The following RIT2 variants were observed in gnomAD, a reference collection of about 807,000 sequenced individuals.
RIT2 encodes the protein Ras like without CAAX 2.
RIT2 carries 24 observed loss-of-function variants against 23.7 expected under a neutral mutation model. The observed-to-expected ratio is 1.01, with a 90% CI of 0.73 to 1.43. The LOEUF (loss-of-function observed/expected upper bound fraction) is 1.43, where lower values mean the gene tolerates loss of function less well. Among genes scored for constraint, RIT2 ranks in the 40% most tolerant of loss-of-function variants. RIT2 has a pLI of 0.00. For missense variants in RIT2, 236 were observed against 266.9 expected, an observed-to-expected ratio of 0.88 and a Z score of 0.81; for synonymous variants, 107 against 91.1, an observed-to-expected ratio of 1.17 and a Z score of -0.99.
chr18:43,005,405 T>A (rs1911204269), intron 2 of RIT2, among the ~76,000 whole-genome samples: 1 of 151,964 alleles, frequency 6.6e-6, no homozygotes, highest in Middle Eastern at 3.4e-3. Context: ...TCTCTGAGAT[T>A]AGAAGACCAT....
intron 3 of RIT2, among the ~76,000 whole-genome samples, chr18:42,964,339 A>AG (rs771744828): frequency 3.3e-5 from 5 of 152,070 alleles, no homozygotes; most frequent in Non-Finnish European, 5.9e-5. Flanking sequence ...TTCCTAAATA[A>AG]GATAGCTACT....
At chr18:42,833,512 T>C (rs1003825488) in intron 4 of RIT2, among the ~76,000 whole-genome samples, 3 of 152,308 alleles carry the variant, frequency 2.0e-5, no homozygotes, top group East Asian at 1.9e-4. Context: ...ATAAACTCTA[T>C]GGGCACGAAA....
intron 1 of RIT2, among the ~76,000 whole-genome samples, chr18:43,075,285 A>G (rs1315416218): frequency 2.0e-5 from 3 of 152,144 alleles, no homozygotes; most frequent in Non-Finnish European, 4.4e-5. Flanking sequence ...AATAAAAATC[A>G]GTTTTTTCAC....
chr18:42,880,481 T>C (rs1907859454), intron 4 of RIT2, among the ~76,000 whole-genome samples: 1 of 152,188 alleles, frequency 6.6e-6, no homozygotes, highest in Non-Finnish European at 1.5e-5. Context: ...GTTGAAACTT[T>C]TGTTTTGTTT....
At chr18:43,110,223 G>A (rs954713426) in intron 1 of RIT2, among the ~76,000 whole-genome samples, 1 of 150,482 alleles carries the variant, frequency 6.6e-6, no homozygotes, top group East Asian at 2.0e-4. Context: ...GCCTGTATAC[G>A]AATATTTCCT....
chr18:43,114,694 G>T (rs1054312678), intron 1 of RIT2, among the ~76,000 whole-genome samples: 1 of 151,758 alleles, frequency 6.6e-6, no homozygotes, highest in Non-Finnish European at 1.5e-5. Flanking sequence ...TGGCCTTTTA[G>T]GCTCCTCAAG....
intron 4 of RIT2, among the ~76,000 whole-genome samples, chr18:42,821,999 A>G (rs1221468402): frequency 6.6e-6 from 1 of 152,184 alleles, no homozygotes; most frequent in African/African-American, 2.4e-5. Context: ...ATGAGATCAG[A>G]AAAGACCTGA....
chr18:43,097,182 G>A (rs913476774), intron 1 of RIT2, among the ~76,000 whole-genome samples: 1 of 151,828 alleles, frequency 6.6e-6, no homozygotes, highest in African/African-American at 2.4e-5. Flanking sequence ...TAGAGTTTGT[G>A]ATTTTGTAGA....
At position 42,985,769 on chromosome 18, in the gene RIT2, T is replaced by C. The variant is rs540039194; in HGVS notation, c.161-11622A>G. 7.9e-5 allele frequency among the ~76,000 whole-genome samples: 12 copies of C among 152,132 alleles called. No homozygotes were observed. The South Asian group carries it at 2.5e-3, about 31-fold the overall frequency. On this transcript the variant is annotated intron_variant, in intron 2 of 4. Transcript: ENST00000326695. Reference sequence around the variant, plus strand: ...ATTTTAATTAGATTGTAAATATAAATATTCAAAGAAAAACAATAAAGCAAA... The same window carrying C: ...ATTTTAATTAGATTGTAAATATAAACATTCAAAGAAAAACAATAAAGCAAA...
At chr18:43,091,207 C>T (rs1477699186) in intron 1 of RIT2, among the ~76,000 whole-genome samples, 8 of 151,656 alleles carry the variant, frequency 5.3e-5, no homozygotes, top group African/African-American at 1.7e-4. Context: ...ATACATCAAA[C>T]ACTTACTTTG....
At chr18:42,959,968 C>T (rs1004899655) in intron 3 of RIT2, among the ~76,000 whole-genome samples, 1 of 152,258 alleles carries the variant, frequency 6.6e-6, no homozygotes, top group Non-Finnish European at 1.5e-5. Context: ...ATTATGTATA[C>T]TACCAAACAA....
rs1913708855 is a variant in RIT2 at position 42,777,788 on chromosome 18, C to T, written c.427-34068G>A. On this transcript the variant is annotated intron_variant, in intron 4 of 4. Coordinates refer to ENST00000326695, the MANE Select transcript of RIT2 (RefSeq NM_002930.4). ...CATTGAAGAGGCTAGTTGTTTTCTC[C>T]TAAAAGCATATGTTTAACTTAAATA... 2.6e-5 allele frequency among the ~76,000 whole-genome samples: 4 copies of T among 152,070 alleles called. No homozygotes were observed. In the South Asian group the frequency reaches 6.2e-4, roughly 24 times the overall value.
chr18:42,839,230 T>A (rs1906698754), intron 4 of RIT2, among the ~76,000 whole-genome samples: 1 of 152,038 alleles, frequency 6.6e-6, no homozygotes, highest in Non-Finnish European at 1.5e-5. Context: ...TCAATACCCC[T>A]AATGCATAAC....
chr18:42,922,169 A>G (rs1235389472), intron 4 of RIT2, among the ~76,000 whole-genome samples: 1 of 152,182 alleles, frequency 6.6e-6, no homozygotes, highest in Non-Finnish European at 1.5e-5. Context: ...GCATTGCACT[A>G]AATCATAGAA....
intron 4 of RIT2, among the ~76,000 whole-genome samples, chr18:42,853,982 C>T (rs926398379): frequency 6.6e-6 from 1 of 152,178 alleles, no homozygotes; most frequent in African/African-American, 2.4e-5. Flanking sequence ...TATTCTTTCT[C>T]TGCCTTCTCT....
intron 4 of RIT2, among the ~76,000 whole-genome samples, chr18:42,894,620 T>G (rs1908273816): frequency 6.6e-6 from 1 of 152,188 alleles, no homozygotes; most frequent in South Asian, 2.1e-4. Context: ...GTGTCTGATA[T>G]TGGTAAATAG....
chr18:42,878,886 A>T (rs1234782063), intron 4 of RIT2, among the ~76,000 whole-genome samples: 1 of 122,382 alleles, frequency 8.2e-6, no homozygotes, highest in Non-Finnish European at 1.6e-5. Flanking sequence ...TCATATCTTT[A>T]TGGCGTATTT....
At chr18:42,842,072 A>T (rs145009806) in intron 4 of RIT2, among the ~76,000 whole-genome samples, 62 of 152,278 alleles carry the variant, frequency 4.1e-4, no homozygotes, top group African/African-American at 1.4e-3. Context: ...AAAAATGTTT[A>T]TTTGCTGTAG....
intron 1 of RIT2, among the ~76,000 whole-genome samples, chr18:43,095,721 G>A (rs1457447097): frequency 6.6e-6 from 1 of 151,940 alleles, no homozygotes; most frequent in Non-Finnish European, 1.5e-5. Context: ...TGCACTCGCT[G>A]ATTTGATCAG....
Sources: gnomAD v4.1 joint callset for allele counts (sites outside exome capture counted in the v4.1 genomes callset) on GRCh38, gnomAD v4.1.1 for gene constraint, MANE v1.5 for transcripts, NCBI Gene and HGNC (gene_info 2026-07-23, HGNC 2026-07-21) for gene names.